TRIQK: variants seen among roughly 807,000 people sequenced by gnomAD.
TRIQK encodes triple QxxK/R motif-containing protein.
In TRIQK, 10 loss-of-function variants were observed where a neutral mutation model predicts 10.8. The ratio of observed to expected loss-of-function variants is 0.92; its 90% CI spans 0.57 to 1.57. TRIQK has a LOEUF of 1.57. Ranked by LOEUF, TRIQK falls within the 40% of genes most tolerant of loss-of-function variation. The pLI, the probability that TRIQK is intolerant of heterozygous loss-of-function variation, is 0.00. For synonymous variants in TRIQK, 33 were observed against 33.7 expected, an observed-to-expected ratio of 0.98 and a Z score of 0.07; for missense variants, 107 against 97.7, an observed-to-expected ratio of 1.09 and a Z score of -0.40.
At chr8:92,905,629 G>T (rs1035224085) in intron 3 of TRIQK, among the ~76,000 whole-genome samples, 3 of 152,094 alleles carry the variant, frequency 2.0e-5, no homozygotes, top group African/African-American at 4.8e-5. Flanking sequence ...GACCTGAAAA[G>T]TTCCTAGAGT....
At chr8:92,924,162 C>T (rs1243472720) in intron 2 of TRIQK, among the ~76,000 whole-genome samples, 1 of 151,818 alleles carries the variant, frequency 6.6e-6, no homozygotes, top group Non-Finnish European at 1.5e-5. Context: ...AGTTGAGAAC[C>T]AATCATGAAA....
At chr8:93,006,097 T>G (rs1338551806) in intron 1 of TRIQK, among the ~76,000 whole-genome samples, 2 of 132,098 alleles carry the variant, frequency 1.5e-5, no homozygotes, top group African/African-American at 2.8e-5. Context: ...GGGAATAAAT[T>G]TAACCACGGA....
At chr8:92,972,240 A>G (rs1395564303) in intron 1 of TRIQK, among the ~76,000 whole-genome samples, 1 of 152,098 alleles carries the variant, frequency 6.6e-6, no homozygotes, top group East Asian at 1.9e-4. Context: ...AAAAATATTT[A>G]TTCAATTTCC....
At chr8:92,997,995 A>C (rs984367750) in intron 1 of TRIQK, among the ~76,000 whole-genome samples, 1 of 151,970 alleles carries the variant, frequency 6.6e-6, no homozygotes, top group Non-Finnish European at 1.5e-5. Context: ...TATTAATTAC[A>C]TTATTGATTT....
chr8:93,002,534 A>G lies in TRIQK; in HGVS notation c.-181+15075T>C, dbSNP rs150381789. ...AAATGAACAAAAGCATTGGACACATACATCTACCAAGATAGAATTATGAAA... is the reference window on the plus strand; with the variant it reads ...AAATGAACAAAAGCATTGGACACATGCATCTACCAAGATAGAATTATGAAA... On this transcript the variant is annotated intron_variant, in intron 1 of 4. Transcript: ENST00000520686. 3.8e-3 allele frequency among the ~76,000 whole-genome samples: 586 copies of G among 152,332 alleles called. 3 individuals carry two copies. The highest frequency in any genetic ancestry group is 6.9e-3 in the Non-Finnish European group (471 of 68,022).
At chr8:92,981,169 ATT>A (rs1032701135) in intron 1 of TRIQK, among the ~76,000 whole-genome samples, 3 of 151,772 alleles carry the variant, frequency 2.0e-5, no homozygotes, top group African/African-American at 7.2e-5. Context: ...AAGCAGAGCT[ATT>A]TTTTGTGATT....
rs529282744 is a variant in TRIQK at position 93,003,544 on chromosome 8, G to A, written c.-181+14065C>T. On this transcript the variant is annotated intron_variant, in intron 1 of 4. Transcript: ENST00000520686. ...AGCCAAACCATGTCATTCCTCCCCC[G>A]GTCCCTCCCAAATCTCATATTCTTC... Among the ~76,000 whole-genome samples the A allele has an allele frequency of 3.8e-4, 57 of 151,816 alleles. 1 individual carries two copies. In the East Asian group the frequency reaches 4.3e-3, roughly 11 times the overall value.
At chr8:92,974,403 G>C (rs1812908835) in intron 1 of TRIQK, 1 of 152,258 alleles carries the variant, frequency 6.6e-6, no homozygotes, top group Admixed American at 6.5e-5. Flanking sequence ...CTTTTTCAAT[G>C]AGCTCATCTC....
At chr8:93,007,308 A>G (rs927850937) in intron 1 of TRIQK, among the ~76,000 whole-genome samples, 1 of 152,226 alleles carries the variant, frequency 6.6e-6, no homozygotes, top group Non-Finnish European at 1.5e-5. Flanking sequence ...CTGTTAAAAG[A>G]AAAACAAACA....
At chr8:92,942,511 T>C (rs563836709) in intron 2 of TRIQK, among the ~76,000 whole-genome samples, 3 of 152,304 alleles carry the variant, frequency 2.0e-5, no homozygotes, top group South Asian at 4.1e-4. Context: ...TTACCACTTC[T>C]GTTCAACATA....
intron 1 of TRIQK, among the ~76,000 whole-genome samples, chr8:93,011,890 T>A (rs533372833): frequency 3.3e-5 from 5 of 152,268 alleles, no homozygotes; most frequent in African/African-American, 1.2e-4. Context: ...CTAAAGCCCA[T>A]TCTCTTACCC....
chr8:92,912,069 C>T (rs923891155), intron 3 of TRIQK, among the ~76,000 whole-genome samples: 3 of 151,126 alleles, frequency 2.0e-5, no homozygotes, highest in Non-Finnish European at 4.4e-5. Context: ...TACTACAGAA[C>T]AAATGGACTT....
chr8:93,003,339 A>AGAGAGAGG (rs1477435983), intron 1 of TRIQK, among the ~76,000 whole-genome samples: 1 of 149,822 alleles, frequency 6.7e-6, no homozygotes, highest in African/African-American at 2.5e-5. Flanking sequence ...AGAGAGAGAG[A>AGAGAGAGG]GCACAAAGGG....
rs577733180 is a variant in TRIQK, at chr8:92,913,503, G to A, written c.61+3426C>T. On this transcript the variant is annotated intron_variant, in intron 3 of 4. Transcript: ENST00000521988. The stretch of plus-strand genomic sequence containing the variant: ...GGAGAGGATGTGGAGAAATAGGAAC[G>A]CTTTTACACTGTTGGTGGGAGTGCC... 5.3e-5 allele frequency among the ~76,000 whole-genome samples: 8 copies of A among 152,168 alleles called. No homozygotes were observed. In the South Asian group the frequency reaches 1.2e-3, roughly 24 times the overall value.
At chr8:92,972,100 TG>T (rs1345633404) in intron 1 of TRIQK, among the ~76,000 whole-genome samples, 2 of 152,166 alleles carry the variant, frequency 1.3e-5, no homozygotes, top group Non-Finnish European at 2.9e-5. Flanking sequence ...GTATTATGCC[TG>T]TTGTTTCTAC....
At chr8:92,900,268 C>T (rs1015305144) in intron 3 of TRIQK, among the ~76,000 whole-genome samples, 24 of 152,108 alleles carry the variant, frequency 1.6e-4, no homozygotes, top group Admixed American at 1.6e-3. Context: ...TCCCACTTCT[C>T]CATTTTTGCT....
At chr8:92,918,775 A>ACC (rs34869928) in intron 2 of TRIQK, among the ~76,000 whole-genome samples, 187 of 146,056 alleles carry the variant, frequency 1.3e-3, no homozygotes, top group Middle Eastern at 7.2e-3. Flanking sequence ...TTGAGATCTT[A>ACC]CCCCCCCCCA....
intron 3 of TRIQK, among the ~76,000 whole-genome samples, chr8:92,913,826 G>A (rs1296753177): frequency 6.6e-6 from 1 of 152,146 alleles, no homozygotes; most frequent in Non-Finnish European, 1.5e-5. Flanking sequence ...GCAGGGACAT[G>A]GATGAAGCTG....
chr8:93,009,868 T>C (rs1165387684), intron 1 of TRIQK, among the ~76,000 whole-genome samples: 1 of 152,058 alleles, frequency 6.6e-6, no homozygotes, highest in Non-Finnish European at 1.5e-5. Flanking sequence ...AGCTAAAATA[T>C]GGAATCAACC....
Sources: gnomAD v4.1 joint callset for allele counts (sites outside exome capture counted in the v4.1 genomes callset) on GRCh38, gnomAD v4.1.1 for gene constraint, MANE v1.5 for transcripts, NCBI Gene and HGNC (gene_info 2026-07-23, HGNC 2026-07-21) for gene names.